HOXC4: variants seen among roughly 807,000 people sequenced by gnomAD.
HOXC4 encodes homeobox protein Hox-C4.
HOXC4 carries 15 observed loss-of-function variants against 25.5 expected under a neutral mutation model. That is an observed-to-expected ratio of 0.59 (90% confidence interval 0.39 to 0.91). The LOEUF (loss-of-function observed/expected upper bound fraction) is 0.91, where lower values mean the gene tolerates loss of function less well. Ranked by LOEUF, HOXC4 falls within the 40% of genes least tolerant of loss-of-function variation. The pLI is 0.00. For missense variants in HOXC4, 342 were observed against 352.4 expected (o/e 0.97, Z 0.24); for synonymous variants, 165 against 148.0 (o/e 1.11, Z -0.83).
rs556383457 is a variant in HOXC4 at position 54,026,967 on chromosome 12, G to T, written c.-124+9553G>T. 8.5e-4 allele frequency among the ~76,000 whole-genome samples: 81 copies of T among 95,638 alleles called. No homozygotes were observed. In the Middle Eastern group the frequency reaches 0.021, roughly 25 times the overall value. The allele number at this position is 95,638 out of a possible 152,430, so 62.7% of individuals were successfully genotyped here. A position where few individuals can be genotyped will look rare whatever the true frequency, so the allele number is the denominator to read the frequency against. ...CCCCCAACCCACCCAAAAATGGTGG[G>T]GGGGGGGGGATATGAGCTTTCTCTG... is the stretch of plus-strand genomic sequence containing the variant. On this transcript the variant is annotated intron_variant, in intron 1 of 3. Transcript: ENST00000303406.
chr12:54,050,917 T>A (rs1234313803), upstream of HOXC4, among the ~76,000 whole-genome samples: 2 of 152,146 alleles, frequency 1.3e-5, no homozygotes, highest in African/African-American at 4.8e-5. Flanking sequence ...TTAACCATAA[T>A]AACCAAAGAC....
chr12:54,050,417 G>A (rs1400892070), upstream of HOXC4, among the ~76,000 whole-genome samples: 36 of 152,166 alleles, frequency 2.4e-4, no homozygotes, highest in Non-Finnish European at 5.9e-5. Flanking sequence ...ATAAAACTGG[G>A]GCAAAGTGAG....
At chr12:54,031,557 A>G (rs1030501843) in intron 1 of HOXC4, among the ~76,000 whole-genome samples, 32 of 152,130 alleles carry the variant, frequency 2.1e-4, no homozygotes, top group African/African-American at 7.5e-4. Flanking sequence ...ACCATTTATC[A>G]ACCCTGGCCT....
intron 1 of HOXC4, among the ~76,000 whole-genome samples, chr12:54,023,764 G>A (rs1435340850): frequency 6.6e-6 from 1 of 152,180 alleles, no homozygotes; most frequent in Non-Finnish European, 1.5e-5. Flanking sequence ...AAGGAGGAGT[G>A]TACCTTTTTG....
chr12:54,048,946 T>C (rs1386851651), upstream of HOXC4, among the ~76,000 whole-genome samples: 1 of 152,198 alleles, frequency 6.6e-6, no homozygotes. Flanking sequence ...CACAGCAAGG[T>C]TCCTGCATCC....
At chr12:54,025,615 C>T (rs1419340025) in intron 1 of HOXC4, among the ~76,000 whole-genome samples, 1 of 152,050 alleles carries the variant, frequency 6.6e-6, no homozygotes, top group Non-Finnish European at 1.5e-5. Context: ...CCCCTTCTCT[C>T]CCCCTTCCAG....
At chr12:54,049,401 G>A (rs1463217061), upstream of HOXC4, among the ~76,000 whole-genome samples, 1 of 152,166 alleles carries the variant, frequency 6.6e-6, no homozygotes. Context: ...CACTTTAAAC[G>A]AGATTTGAGG....
intron 1 of HOXC4, among the ~76,000 whole-genome samples, chr12:54,043,966 GTT>G (rs548470246): frequency 0.21 from 22,802 of 108,928 alleles, 2,278 homozygotes; most frequent in East Asian, 0.39. Context: ...GTGTGTGTGT[GTT>G]TAGGGAGTAG....
intron 1 of HOXC4, among the ~76,000 whole-genome samples, chr12:54,027,748 C>G (rs1159048201): frequency 6.6e-6 from 1 of 152,160 alleles, no homozygotes; most frequent in Non-Finnish European, 1.5e-5. Context: ...AGAGCAGATG[C>G]GTGGCCCATT....
intron 1 of HOXC4, among the ~76,000 whole-genome samples, chr12:54,017,842 C>A (rs1008156725): frequency 1.3e-5 from 2 of 152,132 alleles, no homozygotes; most frequent in African/African-American, 4.8e-5. Context: ...GCCCATTGCC[C>A]CCTAAGCAAA....
At chr12:54,025,801 T>A (rs982946515) in intron 1 of HOXC4, among the ~76,000 whole-genome samples, 20 of 152,104 alleles carry the variant, frequency 1.3e-4, no homozygotes, top group African/African-American at 4.8e-4. Context: ...TAGGCCCCAA[T>A]AGAGAATCTC....
intron 1 of HOXC4, among the ~76,000 whole-genome samples, chr12:54,037,256 C>T (rs1162682418): frequency 2.6e-5 from 4 of 152,234 alleles, no homozygotes; most frequent in African/African-American, 9.6e-5. Context: ...TGAACAGGGG[C>T]TTCTGCTTTG....
At chr12:54,027,336 T>C (rs762647630) in intron 1 of HOXC4, among the ~76,000 whole-genome samples, 24 of 152,190 alleles carry the variant, frequency 1.6e-4, no homozygotes, top group Admixed American at 1.4e-3. Flanking sequence ...GCGCCTCCAC[T>C]GGCGGTGCCC....
intron 1 of HOXC4, among the ~76,000 whole-genome samples, chr12:54,036,522 C>T (rs1334084189): frequency 6.6e-6 from 1 of 152,142 alleles, no homozygotes; most frequent in African/African-American, 2.4e-5. Context: ...AAGAGCCTTT[C>T]CTCACCCCAT....
chr12:54,034,143 G>C (rs1242211606), intron 1 of HOXC4: 1 of 865,318 alleles, frequency 1.2e-6, no homozygotes, highest in Admixed American at 1.9e-5. Context: ...GCCCGCCTGC[G>C]GCCCGCGTGG....
upstream of HOXC4, among the ~76,000 whole-genome samples, chr12:54,051,085 G>A (rs967547167): frequency 6.6e-6 from 1 of 152,100 alleles, no homozygotes; most frequent in African/African-American, 2.4e-5. Flanking sequence ...ACAAGTACAG[G>A]AGGGTGAAGA....
In HOXC4 at chr12:54,055,690, G is replaced by C. The variant is rs1288380683; in HGVS notation, c.*485G>C. The C allele has an allele frequency of 6.6e-6, 1 of 152,384 alleles. No homozygotes were observed. The highest frequency in any genetic ancestry group is 1.5e-5 in the Non-Finnish European group (1 of 68,010). 9.4% of individuals were successfully genotyped at this position (152,384 alleles called of 1,614,324 possible). A position where few individuals can be genotyped will look rare whatever the true frequency, so the allele number is the denominator to read the frequency against. On this transcript the variant is annotated 3_prime_UTR_variant, in exon 2 of 2. Transcript: ENST00000430889. ...ATTGAAAATGCACCAGGGGAGGTTA[G>C]TGAGGGGGAAGTCATTTTAAGGAGA...
intron 1 of HOXC4, among the ~76,000 whole-genome samples, chr12:54,047,195 G>C (rs1417923534): frequency 1.3e-5 from 2 of 152,258 alleles, no homozygotes; most frequent in Non-Finnish European, 2.9e-5. Flanking sequence ...CACCTCATTC[G>C]GGGGAGGAGA....
rs768486531 is a variant in HOXC4, at chr12:54,054,313, A to G, written c.391A>G (p.Lys131Glu). 1 of 1,579,546 alleles carries G rather than the reference A, an allele frequency of 6.3e-7. No individual in the cohort carries two copies. The highest frequency in any genetic ancestry group is 8.6e-7 in the Non-Finnish European group (1 of 1,164,156). Residue 131 changes from lysine to glutamate, a missense_variant, in exon 1 of 2, where the codon AAG becomes GAG. By Grantham distance (56) the Lys-to-Glu change is moderately conservative. Coordinates refer to ENST00000430889, the MANE Select transcript of HOXC4 (RefSeq NM_153633.3). ...CGACCATCCCTCCAGCGCCGCCAGC[A>G]AGCAACCCATAGTCTACCCATGGAT... Reference protein sequence around the residue: ...APDHPSSAASKQPIVYPWMKK... With the variant: ...APDHPSSAASEQPIVYPWMKK...
Sources: gnomAD v4.1 joint callset for allele counts (sites outside exome capture counted in the v4.1 genomes callset) on GRCh38, gnomAD v4.1.1 for gene constraint, MANE v1.5 for transcripts, NCBI Gene and HGNC (gene_info 2026-07-23, HGNC 2026-07-21) for gene names.